SLC25A37: variants seen among roughly 807,000 people sequenced by gnomAD.
SLC25A37 encodes mitoferrin-1.
In SLC25A37, 17 loss-of-function variants were observed where a neutral mutation model predicts 31.0. The ratio of observed to expected loss-of-function variants is 0.55; its 90% CI spans 0.38 to 0.82. SLC25A37 has a LOEUF of 0.82. Ranked by LOEUF, SLC25A37 falls within the 40% of genes least tolerant of loss-of-function variation. SLC25A37 has a pLI of 0.00. For missense variants in SLC25A37, 404 were observed against 465.8 expected (o/e 0.87, Z 1.22); for synonymous variants, 222 against 193.0 (o/e 1.15, Z -1.24).
chr8:23,529,460 C>A lies in SLC25A37; in HGVS notation c.210+248C>A, dbSNP rs1801619836. 6.6e-6 allele frequency among the ~76,000 whole-genome samples: 1 copy of A among 151,882 alleles called. No individual in the cohort carries two copies. ...GCTCCAGCCGCGTGCCCGGCCCCGG[C>A]TGCTGGCGGCGCTGAGGCGGGGGAG... On this transcript the variant is annotated intron_variant, in intron 1 of 3. Transcript: ENST00000519973. This position sits in a 1 kb window ranked among gnomAD's most constrained non-coding sequence, Gnocchi z 4.1.
chr8:23,536,056 T>C (rs1020554285), intron 1 of SLC25A37, among the ~76,000 whole-genome samples: 1 of 152,218 alleles, frequency 6.6e-6, no homozygotes, highest in Non-Finnish European at 1.5e-5. Context: ...CTTGCCACAG[T>C]GCGTGGTGCG....
chr8:23,551,800 C>T (rs74946595), intron 1 of SLC25A37, among the ~76,000 whole-genome samples: 2,650 of 152,226 alleles, frequency 0.017, 76 homozygotes, highest in African/African-American at 0.06. Context: ...AGAGGGGTCT[C>T]CAAGCCTGTC....
At chr8:23,569,425 A>ACACACACACACACACACACACT (rs915435662) in intron 3 of SLC25A37, among the ~76,000 whole-genome samples, 1 of 146,268 alleles carries the variant, frequency 6.8e-6, no homozygotes, top group African/African-American at 2.5e-5. Context: ...ACACACACAC[A>ACACACACACACACACACACACT]CACTCACTCT....
intron 1 of SLC25A37, among the ~76,000 whole-genome samples, chr8:23,537,303 C>T (rs1327781287): frequency 6.6e-6 from 1 of 152,032 alleles, no homozygotes; most frequent in African/African-American, 2.4e-5. Flanking sequence ...TAACACACAC[C>T]ATCGTTTATT....
chr8:23,571,747 G>A lies in SLC25A37; in HGVS notation c.909G>A (p.Gln303=). ...TGGCCGGCTACTTCAAAGGCATCCA[G>A]GCGCGTGTCATCTACCAGATGCCCT... is the stretch of plus-strand genomic sequence containing the variant. ...NGLAGYFKGI[Q]ARVIYQMPST... The change falls in exon 4 of 4, where the codon CAG becomes CAA. Residue 303 remains glutamine, a synonymous_variant. Coordinates refer to ENST00000519973, the MANE Select transcript of SLC25A37 (RefSeq NM_016612.4). 1 of 1,614,070 alleles carries A rather than the reference G, an allele frequency of 6.2e-7. No individual in the cohort carries two copies. Among genetic ancestry groups the A allele is most frequent in the African/African-American group, 1.3e-5 (1 of 75,060 alleles).
intron 2 of SLC25A37, 118 bp from the exon 3 acceptor site, chr8:23,568,204 T>C (rs1802718833): frequency 6.1e-6 from 6 of 981,716 alleles, no homozygotes; most frequent in Non-Finnish European, 9.9e-6. Context: ...TGGGCGGAGC[T>C]GGTAGTACAT....
rs1289345844 is a variant in SLC25A37, at chr8:23,571,934, C to CT, written c.*79_*80insT. 2.6e-4 allele frequency: 347 copies of CT among 1,352,960 alleles called. No homozygotes were observed. Among genetic ancestry groups the CT allele is most frequent in the Admixed American group, 2.2e-3 (96 of 43,560 alleles). 83.8% of individuals were successfully genotyped at this position (1,352,960 alleles called of 1,614,324 possible). ...CCTTGCCCTCTCCTCACACGTAGAT[C>CT]ATTTTTTTTTTGCAGGGTGCTGCCT... On this transcript the variant is annotated 3_prime_UTR_variant, in exon 4 of 4. Transcript: ENST00000519973.
chr8:23,556,147 C>G (rs1172185167), intron 1 of SLC25A37, among the ~76,000 whole-genome samples: 1 of 152,062 alleles, frequency 6.6e-6, no homozygotes, highest in Non-Finnish European at 1.5e-5. Flanking sequence ...CCACCCCATC[C>G]CCCACTTTTT....
rs569778462 is a variant in SLC25A37, at chr8:23,574,806, T to C, written c.*2951T>C. Reference sequence around the variant, plus strand: ...TATCCCACCCTGGTGACCAATTCAGTGTAACCTTTGCACGTACTCAGTCAT... The same window carrying C: ...TATCCCACCCTGGTGACCAATTCAGCGTAACCTTTGCACGTACTCAGTCAT... On this transcript the variant is annotated 3_prime_UTR_variant, in exon 4 of 4. Coordinates refer to ENST00000519973, the MANE Select transcript of SLC25A37 (RefSeq NM_016612.4). 6.4e-6 allele frequency: 1 copy of C among 155,418 alleles called. No individual in the cohort carries two copies. Among genetic ancestry groups the C allele is most frequent in the Non-Finnish European group, 1.5e-5 (1 of 68,352 alleles). The allele number at this position is 155,418 out of a possible 1,614,324, so 9.6% of individuals were successfully genotyped here. A position where few individuals can be genotyped will look rare whatever the true frequency, so the allele number is the denominator to read the frequency against.
chr8:23,543,075 T>TTTA (rs35309759), intron 1 of SLC25A37: 56,073 of 148,714 alleles, frequency 0.38, 11,929 homozygotes, highest in East Asian at 0.61. Context: ...ATTTTATTTA[T>TTTA]TTTTTTTTTT....
At chr8:23,534,297 A>G (rs1026977001) in intron 1 of SLC25A37, among the ~76,000 whole-genome samples, 6 of 151,940 alleles carry the variant, frequency 3.9e-5, no homozygotes, top group South Asian at 2.1e-4. Flanking sequence ...AGTTCCCTCA[A>G]CCTTCCCTCA....
intron 1 of SLC25A37, among the ~76,000 whole-genome samples, chr8:23,546,906 G>A (rs922106048): frequency 1.3e-5 from 2 of 151,914 alleles, no homozygotes; most frequent in African/African-American, 4.8e-5. Context: ...GTGCGTATTA[G>A]TACAATGTTA....
intron 1 of SLC25A37, among the ~76,000 whole-genome samples, chr8:23,562,262 G>A (rs1802535866): frequency 6.6e-6 from 1 of 152,250 alleles, no homozygotes; most frequent in African/African-American, 2.4e-5. Flanking sequence ...GGGACAGGTT[G>A]CCTTGGCTCC....
In SLC25A37 at chr8:23,572,083, A is replaced by G; in HGVS notation, c.*228A>G. 1.9e-6 allele frequency: 1 copy of G among 513,306 alleles called. No homozygotes were observed. Among genetic ancestry groups the G allele is most frequent in the Non-Finnish European group, 3.4e-6 (1 of 292,456 alleles). 31.8% of individuals were successfully genotyped at this position (513,306 alleles called of 1,614,324 possible). ...GGAAGGACTTGGGAAGGGGAGCGAGAAATTGCTTTTTCTCTTCCTCCCTGG... is the reference window on the plus strand; with the variant it reads ...GGAAGGACTTGGGAAGGGGAGCGAGGAATTGCTTTTTCTCTTCCTCCCTGG... On this transcript the variant is annotated 3_prime_UTR_variant, in exon 4 of 4. Transcript: ENST00000519973.
chr8:23,561,531 A>G (rs1484467545), intron 1 of SLC25A37, among the ~76,000 whole-genome samples: 2 of 152,228 alleles, frequency 1.3e-5, no homozygotes, highest in Non-Finnish European at 2.9e-5. Flanking sequence ...AAGGATGGCC[A>G]TGCCCTAAGG....
At chr8:23,531,409 G>A (rs1408733964) in intron 1 of SLC25A37, among the ~76,000 whole-genome samples, 1 of 152,206 alleles carries the variant, frequency 6.6e-6, no homozygotes, top group African/African-American at 2.4e-5. Flanking sequence ...ACTGTTCTGT[G>A]CCTTAGTTTT....
At chr8:23,566,812 A>C in intron 2 of SLC25A37, 2 of 986,398 alleles carry the variant, frequency 2.0e-6, no homozygotes, top group Non-Finnish European at 2.4e-6. Context: ...AAGCTTTAAA[A>C]GGTCAAGAAG....
At chr8:23,544,744 C>T (rs753304997) in intron 1 of SLC25A37, among the ~76,000 whole-genome samples, 3 of 152,156 alleles carry the variant, frequency 2.0e-5, no homozygotes, top group Non-Finnish European at 4.4e-5. Flanking sequence ...CTGGCCATCC[C>T]CAGGGTGCCT....
At chr8:23,564,459 T>G (rs2117449768) in intron 1 of SLC25A37, among the ~76,000 whole-genome samples, 2 of 105,134 alleles carry the variant, frequency 1.9e-5, no homozygotes, top group South Asian at 3.8e-4. Flanking sequence ...CTAGGATGTG[T>G]GTTGGGGGGG....
Sources: gnomAD v4.1 joint callset for allele counts (sites outside exome capture counted in the v4.1 genomes callset) on GRCh38, gnomAD v4.1.1 for gene constraint, Gnocchi (gnomAD v3.1) non-coding constraint, MANE v1.5 for transcripts, NCBI Gene and HGNC (gene_info 2026-07-23, HGNC 2026-07-21) for gene names.